CACNA2D3: variants seen among roughly 807,000 people sequenced by gnomAD.
CACNA2D3 encodes the protein calcium voltage-gated channel auxiliary subunit alpha2delta 3.
Under a neutral mutation model 160.6 loss-of-function variants are expected in CACNA2D3, and 60 were observed. The observed-to-expected ratio is 0.37, with a 90% CI of 0.30 to 0.46. The LOEUF is 0.46. Among genes scored for constraint, CACNA2D3 ranks in the 20% least tolerant of loss-of-function variants. The pLI is 1.00. For missense variants in CACNA2D3, 1,205 were observed against 1,365.0 expected (o/e 0.88, Z 1.85); for synonymous variants, 558 against 492.9 (o/e 1.13, Z -1.75).
Position 54,346,680 on chromosome 3 carries a change from A to G in CACNA2D3, c.321+26122A>G, listed in dbSNP as rs1039269735. On this transcript the variant is annotated intron_variant, in intron 3 of 37. Transcript: ENST00000474759. ...ATTTGTTGCAATCAAACAAATACTG[A>G]TACAATACTATTAACTAAAGTCTAT... 3.3e-5 allele frequency among the ~76,000 whole-genome samples: 5 copies of G among 152,152 alleles called. No homozygotes were observed. The East Asian group carries it at 5.8e-4, about 18-fold the overall frequency.
At chr3:54,916,991 C>T (rs972153679) in intron 27 of CACNA2D3, among the ~76,000 whole-genome samples, 1 of 152,178 alleles carries the variant, frequency 6.6e-6, no homozygotes, top group African/African-American at 2.4e-5. Context: ...TCTGGAGGGA[C>T]AGCTGGCCCT....
intron 2 of CACNA2D3, among the ~76,000 whole-genome samples, chr3:54,294,769 G>A (rs1345436184): frequency 1.3e-5 from 2 of 152,232 alleles, no homozygotes; most frequent in Non-Finnish European, 2.9e-5. Context: ...TAGAGCTGGA[G>A]ATTGCCTGGA....
At chr3:54,208,578 C>T (rs1305439989) in intron 2 of CACNA2D3, among the ~76,000 whole-genome samples, 2 of 152,138 alleles carry the variant, frequency 1.3e-5, no homozygotes, top group African/African-American at 2.4e-5. Context: ...GAGGCCTAGT[C>T]CCTGTGTGGC....
Position 54,500,533 on chromosome 3 carries a change from C to G in CACNA2D3, c.382-2959C>G, listed in dbSNP as rs568351493. Among the ~76,000 whole-genome samples, 3 of 145,082 alleles carry G rather than the reference C, an allele frequency of 2.1e-5. No homozygotes were observed. In the East Asian group the frequency reaches 6.7e-4, roughly 32 times the overall value. On this transcript the variant is annotated intron_variant, in intron 4 of 37. Coordinates refer to ENST00000474759, the MANE Select transcript of CACNA2D3 (RefSeq NM_018398.3). ...CCTTCCTTCCTTCCTTCCTTCCTTC[C>G]TTCCTTCCTTCCTTCCTTCCTTTCT...
intron 11 of CACNA2D3, among the ~76,000 whole-genome samples, chr3:54,663,244 T>C (rs1178871891): frequency 6.6e-6 from 1 of 152,198 alleles, no homozygotes; most frequent in Non-Finnish European, 1.5e-5. Context: ...CTGACTAGCC[T>C]CTCTCTAGCT....
intron 13 of CACNA2D3, among the ~76,000 whole-genome samples, chr3:54,815,115 T>A (rs1475220820): frequency 6.6e-6 from 1 of 152,188 alleles, no homozygotes; most frequent in African/African-American, 2.4e-5. Context: ...TCTCATCTCG[T>A]GGTCTATTTT....
At chr3:54,436,559 A>C (rs1313754037) in intron 4 of CACNA2D3, among the ~76,000 whole-genome samples, 1 of 152,254 alleles carries the variant, frequency 6.6e-6, no homozygotes, top group African/African-American at 2.4e-5. Context: ...CTGGCTAAAG[A>C]AAATGTGGCA....
chr3:54,301,043 A>G (rs1308403394), intron 2 of CACNA2D3, among the ~76,000 whole-genome samples: 2 of 151,796 alleles, frequency 1.3e-5, no homozygotes, highest in Admixed American at 6.6e-5. Context: ...AAAAAGAAAA[A>G]ATAAAGGATA....
chr3:54,990,033 C>G (rs941818337), intron 31 of CACNA2D3, among the ~76,000 whole-genome samples: 16 of 152,160 alleles, frequency 1.1e-4, no homozygotes, highest in African/African-American at 3.9e-4. Flanking sequence ...ACTGACAGCA[C>G]TCTGGATCAG....
chr3:54,134,910 A>T (rs1288981630), intron 2 of CACNA2D3, among the ~76,000 whole-genome samples: 1 of 152,264 alleles, frequency 6.6e-6, no homozygotes, highest in Admixed American at 6.5e-5. Flanking sequence ...ACCGCAGTGC[A>T]GGGCGGGTGC....
chr3:54,641,962 G>A (rs1234954038), intron 10 of CACNA2D3, among the ~76,000 whole-genome samples, 166 bp from the exon 11 acceptor site: 1 of 152,188 alleles, frequency 6.6e-6, no homozygotes, highest in Non-Finnish European at 1.5e-5. Context: ...CAGAGCAAAT[G>A]TGGTGATCTG....
chr3:55,009,418 G>T lies in CACNA2D3; in HGVS notation c.2850G>T (p.Trp950Cys), dbSNP rs1306412822. The change falls in exon 34 of 38, where the codon TGG (tryptophan) becomes TGT (cysteine). Residue 950 changes from tryptophan (W) to cysteine (C), a missense_variant. Transcript: ENST00000474759. Reference protein sequence around the residue: ...LFLVEFNLCSWWHSDMTAKAQ... With the variant: ...LFLVEFNLCSCWHSDMTAKAQ... Reference sequence around the variant, plus strand: ...TGGTGGAATTTAACCTCTGCAGTTGGTGGCACTCCGATATGACAGCTAAAG... The same window carrying T: ...TGGTGGAATTTAACCTCTGCAGTTGTTGGCACTCCGATATGACAGCTAAAG... The T allele has an allele frequency of 3.7e-6, 6 of 1,613,890 alleles. No individual in the cohort carries two copies. Among genetic ancestry groups the T allele is most frequent in the Non-Finnish European group, 5.1e-6 (6 of 1,179,820 alleles).
At position 54,879,082 on chromosome 3, in the gene CACNA2D3, A is replaced by G; in HGVS notation, c.1775A>G (p.Asp592Gly). Residue 592 changes from aspartate to glycine, a missense_variant, in exon 19 of 38, where the codon GAC (aspartate) becomes GGC (glycine). Physicochemically the swap from Asp to Gly is moderately conservative, Grantham distance 94 (BLOSUM62 -1). This residue lies in a region of CACNA2D3 where 911 missense variants were observed against 1,002.2 expected (regional missense o/e 0.91). Coordinates refer to ENST00000474759, the MANE Select transcript of CACNA2D3 (RefSeq NM_018398.3). ...KFSMEVKKTV[D>G]KGKRVLVMTN... is the part of the protein sequence containing the mutation. ...TCCATGGAGGTGAAGAAGACAGTGG[A>G]CAAAGGGGTACATTTTTCTCAAACA... is the stretch of plus-strand genomic sequence containing the variant. 2 of 1,591,380 alleles carry G rather than the reference A, an allele frequency of 1.3e-6. No homozygotes were observed. Among genetic ancestry groups the G allele is most frequent in the Non-Finnish European group, 1.7e-6 (2 of 1,167,472 alleles).
chr3:54,809,244 C>G (rs1559590186), intron 13 of CACNA2D3, among the ~76,000 whole-genome samples: 1 of 149,558 alleles, frequency 6.7e-6, no homozygotes, highest in East Asian at 2.0e-4. Flanking sequence ...TTCTCTCCCT[C>G]TCTCTTCCTT....
At chr3:54,998,667 G>T (rs973774300) in intron 31 of CACNA2D3, among the ~76,000 whole-genome samples, 1 of 151,964 alleles carries the variant, frequency 6.6e-6, no homozygotes, top group Non-Finnish European at 1.5e-5. Context: ...GATAGCCTGT[G>T]TGGTTTATTC....
chr3:54,309,735 T>C (rs994210253), intron 2 of CACNA2D3, among the ~76,000 whole-genome samples: 4 of 151,164 alleles, frequency 2.6e-5, no homozygotes, highest in Admixed American at 2.6e-4. Context: ...TCCTCCCGTC[T>C]AGCTGGAAGT....
At chr3:54,754,806 T>C (rs956208600) in intron 12 of CACNA2D3, among the ~76,000 whole-genome samples, 42 of 152,240 alleles carry the variant, frequency 2.8e-4, no homozygotes, top group Non-Finnish European at 5.0e-4. Flanking sequence ...GGGTCTTAGC[T>C]CCAGTTTTGA....
intron 11 of CACNA2D3, among the ~76,000 whole-genome samples, chr3:54,653,793 G>T (rs949917480): frequency 1.3e-5 from 2 of 152,186 alleles, no homozygotes; most frequent in African/African-American, 4.8e-5. Context: ...TTCTCTTCCT[G>T]GGTGTGGCAC....
chr3:54,221,245 T>G (rs1183637376), intron 2 of CACNA2D3, among the ~76,000 whole-genome samples: 1 of 152,192 alleles, frequency 6.6e-6, no homozygotes, highest in Non-Finnish European at 1.5e-5. Context: ...GCACATACTC[T>G]AAAACGTTCA....
Sources: allele counts gnomAD v4.1 joint callset (sites outside exome capture counted in the v4.1 genomes callset), GRCh38; gene constraint gnomAD v4.1.1; regional missense constraint gnomAD v4.1.1; transcripts MANE v1.5; gene names NCBI Gene and HGNC (gene_info 2026-07-23, HGNC 2026-07-21).